SGCZ: variants seen among roughly 807,000 people sequenced by gnomAD.
SGCZ encodes zeta-sarcoglycan.
In SGCZ, 40 loss-of-function variants were observed where a neutral mutation model predicts 41.3. That is an observed-to-expected ratio of 0.97 (90% CI 0.75 to 1.26). The LOEUF is 1.26. Among genes scored for constraint, SGCZ ranks in the 50% most tolerant of loss-of-function variants. The pLI is 0.00. For missense variants in SGCZ, 552 were observed against 369.8 expected, an observed-to-expected ratio of 1.49 and a Z score of -4.04; for synonymous variants, 206 against 137.5, an observed-to-expected ratio of 1.50 and a Z score of -3.49.
At chr8:14,677,686 G>T (rs547448719) in intron 1 of SGCZ, among the ~76,000 whole-genome samples, 1 of 152,070 alleles carries the variant, frequency 6.6e-6, no homozygotes, top group Non-Finnish European at 1.5e-5. Flanking sequence ...CAAGAGAATC[G>T]CTTGAACCTG....
At chr8:14,614,084 A>G (rs1249110140) in intron 1 of SGCZ, among the ~76,000 whole-genome samples, 1 of 152,166 alleles carries the variant, frequency 6.6e-6, no homozygotes, top group Non-Finnish European at 1.5e-5. Context: ...TTAAGTAACA[A>G]ACACTAGATT....
At chr8:14,418,484 A>G (rs1799556122) in intron 2 of SGCZ, among the ~76,000 whole-genome samples, 1 of 151,906 alleles carries the variant, frequency 6.6e-6, no homozygotes, top group Non-Finnish European at 1.5e-5. Context: ...CACATTTCTG[A>G]AAAACTGCTT....
chr8:14,576,159 G>T (rs1804705400), intron 1 of SGCZ, among the ~76,000 whole-genome samples: 1 of 152,070 alleles, frequency 6.6e-6, no homozygotes, highest in Non-Finnish European at 1.5e-5. Context: ...TGTGCTTTAG[G>T]TACCTGCCTT....
intron 1 of SGCZ, among the ~76,000 whole-genome samples, chr8:14,561,176 G>A (rs1348839673): frequency 3.9e-5 from 6 of 152,042 alleles, no homozygotes; most frequent in African/African-American, 1.4e-4. Context: ...TCCTCCATTT[G>A]AAACTTTACA....
At chr8:15,199,315 C>G (rs1480914440) in intron 1 of SGCZ, among the ~76,000 whole-genome samples, 1 of 152,172 alleles carries the variant, frequency 6.6e-6, no homozygotes, top group African/African-American at 2.4e-5. Flanking sequence ...AAATCTGAAG[C>G]TCACTTTCAG....
intron 1 of SGCZ, among the ~76,000 whole-genome samples, chr8:15,083,819 C>A (rs1585545984): frequency 6.6e-6 from 1 of 152,072 alleles, no homozygotes; most frequent in Admixed American, 6.6e-5. Context: ...GTCTCTAGCT[C>A]TTGGGCTCAA....
intron 1 of SGCZ, among the ~76,000 whole-genome samples, chr8:15,004,691 CT>C (rs1386739737): frequency 2.0e-5 from 3 of 152,178 alleles, no homozygotes; most frequent in Non-Finnish European, 4.4e-5. Context: ...TGGCAGAAAT[CT>C]TTCTCCCAAG....
At chr8:15,145,124 C>T (rs1394180063) in intron 1 of SGCZ, among the ~76,000 whole-genome samples, 1 of 152,184 alleles carries the variant, frequency 6.6e-6, no homozygotes, top group Admixed American at 6.5e-5. Context: ...TCCCCAAGCC[C>T]TGCCGTATCG....
chr8:14,217,440 A>C (rs1806039003), intron 4 of SGCZ, among the ~76,000 whole-genome samples: 1 of 152,034 alleles, frequency 6.6e-6, no homozygotes, highest in Non-Finnish European at 1.5e-5. Context: ...GTATAGTTAC[A>C]TAAGAGATGA....
At chr8:14,492,567 T>C (rs376596255) in intron 2 of SGCZ, among the ~76,000 whole-genome samples, 1 of 152,118 alleles carries the variant, frequency 6.6e-6, no homozygotes, top group East Asian at 1.9e-4. Context: ...CGAAGAAAAG[T>C]GAAAGCTTTT....
At chr8:14,545,629 C>T in intron 2 of SGCZ, among the ~76,000 whole-genome samples, 1 of 152,112 alleles carries the variant, frequency 6.6e-6, no homozygotes, top group Non-Finnish European at 1.5e-5. Flanking sequence ...TACTTTATGT[C>T]CTGGCTATTA....
At chr8:14,562,270 G>A (rs879909799) in intron 1 of SGCZ, among the ~76,000 whole-genome samples, 8 of 152,074 alleles carry the variant, frequency 5.3e-5, no homozygotes, top group Non-Finnish European at 1.0e-4. Flanking sequence ...TTGAGCCTCC[G>A]AGCAGAAGAT....
chr8:15,030,992 G>A (rs533415303), intron 1 of SGCZ, among the ~76,000 whole-genome samples: 30 of 152,118 alleles, frequency 2.0e-4, no homozygotes, highest in African/African-American at 6.7e-4. Context: ...CAAGTTTCCT[G>A]GAGGATTATC....
intron 2 of SGCZ, among the ~76,000 whole-genome samples, chr8:14,540,145 G>A (rs1803415468): frequency 6.6e-6 from 1 of 150,788 alleles, no homozygotes; most frequent in Non-Finnish European, 1.5e-5. Context: ...TGACTCTGCA[G>A]TGCACAATGC....
chr8:14,773,837 A>T (rs1002137755), intron 1 of SGCZ, among the ~76,000 whole-genome samples: 2 of 152,168 alleles, frequency 1.3e-5, no homozygotes, highest in Non-Finnish European at 2.9e-5. Context: ...GAAAACTAGA[A>T]CCAAGGCAAG....
rs182315349 is a variant in SGCZ at position 14,942,085 on chromosome 8, T to A, written c.39+295500A>T. Reference sequence around the variant, plus strand: ...CATTAGGAACCCCCAGCAGGAGACATGCCCTGAAGCTCGCCTGTTTCCCTA... The same window carrying A: ...CATTAGGAACCCCCAGCAGGAGACAAGCCCTGAAGCTCGCCTGTTTCCCTA... On this transcript the variant is annotated intron_variant, in intron 1 of 7. Transcript: ENST00000382080. 2.0e-5 allele frequency among the ~76,000 whole-genome samples: 3 copies of A among 152,028 alleles called. No homozygotes were observed. In the East Asian group the frequency reaches 5.9e-4, roughly 30 times the overall value.
At chr8:14,303,260 T>C (rs1264716745) in intron 3 of SGCZ, among the ~76,000 whole-genome samples, 1 of 151,970 alleles carries the variant, frequency 6.6e-6, no homozygotes, top group African/African-American at 2.4e-5. Flanking sequence ...TAAGAGAAAA[T>C]AGTTAACCGT....
intron 1 of SGCZ, among the ~76,000 whole-genome samples, chr8:15,041,288 G>A (rs1242304540): frequency 6.6e-6 from 1 of 151,382 alleles, no homozygotes; most frequent in Non-Finnish European, 1.5e-5. Flanking sequence ...TGAATATTTG[G>A]GAACCCTTGT....
rs554224235 is a variant in SGCZ, at chr8:14,525,263, C to A, written c.234+29469G>T. ...TAGGTTCATCTTTAGCCAGGTGAAA[C>A]CTGGAAATTCAATTGCCTACTTTCC... On this transcript the variant is annotated intron_variant, in intron 2 of 7. Coordinates refer to ENST00000382080, the MANE Select transcript of SGCZ (RefSeq NM_139167.4). Among the ~76,000 whole-genome samples, 13 of 152,170 alleles carry A rather than the reference C, an allele frequency of 8.5e-5. No individual in the cohort carries two copies. The South Asian group carries it at 2.7e-3, about 32-fold the overall frequency.
Sources: gnomAD v4.1 joint callset for allele counts (sites outside exome capture counted in the v4.1 genomes callset) on GRCh38, gnomAD v4.1.1 for gene constraint, MANE v1.5 for transcripts, NCBI Gene and HGNC (gene_info 2026-07-23, HGNC 2026-07-21) for gene names.